MYH10: variants seen among roughly 807,000 people sequenced by gnomAD.
MYH10 encodes the protein myosin-10.
Under a neutral mutation model 257.8 loss-of-function variants are expected in MYH10, and 55 were observed. The observed-to-expected ratio is 0.21, with a 90% confidence interval of 0.17 to 0.27. MYH10 has a LOEUF of 0.27. Among genes scored for constraint, MYH10 ranks in the 10% least tolerant of loss-of-function variants. The pLI is 1.00. For synonymous variants in MYH10, 854 were observed against 921.7 expected (o/e 0.93, Z 1.33); for missense variants, 1,631 against 2,500.6 (o/e 0.65, Z 7.42).
intron 30 of MYH10, among the ~76,000 whole-genome samples, chr17:8,495,835 G>A (rs990512556): frequency 3.3e-5 from 5 of 151,730 alleles, no homozygotes; most frequent in African/African-American, 1.2e-4. Flanking sequence ...TCAGCCTCCC[G>A]AGTGGCTGGG....
At chr17:8,556,868 C>G (rs1215178917) in intron 7 of MYH10, among the ~76,000 whole-genome samples, 5 of 152,052 alleles carry the variant, frequency 3.3e-5, no homozygotes, top group African/African-American at 1.2e-4. Context: ...TGAGCATGGC[C>G]CCTGTGCTAG....
At chr17:8,530,433 T>C (rs1343654281) in intron 17 of MYH10, among the ~76,000 whole-genome samples, 190 bp downstream of exon 17, 2 of 152,128 alleles carry the variant, frequency 1.3e-5, no homozygotes, top group African/African-American at 2.4e-5. Flanking sequence ...CCTTGAAGTA[T>C]AATAAAACTG....
intron 17 of MYH10, 126 bp from the exon 18 acceptor site, chr17:8,521,411 T>A: frequency 1.0e-6 from 1 of 979,438 alleles, no homozygotes; most frequent in Non-Finnish European, 1.5e-6. Flanking sequence ...GCCATATAGG[T>A]AAGGCAGTCA....
Position 8,490,412 on chromosome 17 carries a change from C to T in MYH10, c.4812G>A (p.Lys1604=). The T allele has an allele frequency of 2.5e-6, 4 of 1,614,178 alleles. No individual in the cohort carries two copies. Among genetic ancestry groups the T allele is most frequent in the Non-Finnish European group, 2.5e-6 (3 of 1,180,036 alleles). The change falls in exon 35 of 43, where the codon AAG becomes AAA. Residue 1604 remains lysine (K), a synonymous_variant. Coordinates refer to ENST00000360416, the MANE Select transcript of MYH10 (RefSeq NM_001256012.3). This position sits in a 1 kb window ranked among gnomAD's most constrained non-coding sequence, Gnocchi z 4.1. ...LRLEVNMQAM[K]AQFERDLQTR... ...TTTGCAGGTCTCTCTCGAACTGCGCCTTCATGGCCTGCATGTTGACCTCCA... is the reference window on the plus strand; with the variant it reads ...TTTGCAGGTCTCTCTCGAACTGCGCTTTCATGGCCTGCATGTTGACCTCCA...
In MYH10 at chr17:8,518,049, T is replaced by TGTGTGTGTGTGA. The variant is rs1358007659; in HGVS notation, c.2504+581_2504+582insTCACACACACAC. ...CCGTGTGTGTGTGTGTGTGTGTGTGTGAGAAGCATTCTCTGAGGACTTGAG... is the reference window on the plus strand; with the variant it reads ...CCGTGTGTGTGTGTGTGTGTGTGTGTGTGTGTGTGTGAGAGAAGCATTCTCTGAGGACTTGAG... On this transcript the variant is annotated intron_variant, in intron 21 of 42. Transcript: ENST00000360416. Among the ~76,000 whole-genome samples the TGTGTGTGTGTGA allele has an allele frequency of 1.5e-3, 189 of 126,046 alleles. 4 individuals carry two copies. The East Asian group carries it at 0.02, about 13-fold the overall frequency. The allele number at this position is 126,046 out of a possible 152,430, so 82.7% of individuals were successfully genotyped here.
Position 8,548,426 on chromosome 17 carries a change from G to GA in MYH10, c.1064-19dup. ...AAGCATTGCTTCATATTGATAAAAA[G>GA]AAAAAAAAAATTAATATTGCCTCAA... On this transcript the variant is annotated intron_variant, in intron 10 of 42. Coordinates refer to ENST00000360416, the MANE Select transcript of MYH10 (RefSeq NM_001256012.3). 5 of 1,372,456 alleles carry GA rather than the reference G, an allele frequency of 3.6e-6. No individual in the cohort carries two copies. The African/African-American group carries it at 5.8e-5, about 16-fold the overall frequency. The allele number at this position is 1,372,456 out of a possible 1,614,324, so 85.0% of individuals were successfully genotyped here.
intron 2 of MYH10, 102 bp downstream of exon 2, chr17:8,622,800 A>G (rs911270437): frequency 7.7e-6 from 10 of 1,299,410 alleles, no homozygotes; most frequent in Middle Eastern, 2.4e-4. Flanking sequence ...TGTTAAACAG[A>G]GAGTTTGGGT....
At position 8,612,594 on chromosome 17, in the gene MYH10, T is replaced by C. The variant is rs188319679; in HGVS notation, c.346-7612A>G. ...GGCCAGGTGCGGTGGCTCACACCTG[T>C]AATCGCAGCACTTTGGGAGGCCAAG... On this transcript the variant is annotated intron_variant, in intron 2 of 42. Coordinates refer to ENST00000360416, the MANE Select transcript of MYH10 (RefSeq NM_001256012.3). Among the ~76,000 whole-genome samples, 382 of 152,278 alleles carry C rather than the reference T, an allele frequency of 2.5e-3. 4 individuals are homozygous for C. Among genetic ancestry groups the C allele is most frequent in the African/African-American group, 8.7e-3 (363 of 41,558 alleles).
intron 14 of MYH10, among the ~76,000 whole-genome samples, chr17:8,540,288 C>A (rs1352796996): frequency 2.0e-5 from 3 of 152,168 alleles, no homozygotes; most frequent in Non-Finnish European, 4.4e-5. Context: ...AGCCACAGCA[C>A]CTGGCCTTCT....
intron 4 of MYH10, 131 bp downstream of exon 4, chr17:8,588,950 A>T: frequency 1.2e-6 from 1 of 858,222 alleles, no homozygotes; most frequent in Non-Finnish European, 1.9e-6. Flanking sequence ...TCTTAGTCTT[A>T]AAATAACTGC....
In MYH10 at chr17:8,477,789, C is replaced by A. The variant is rs982028219; in HGVS notation, c.5706+549G>T. Reference sequence around the variant, plus strand: ...GTCTCACCAGGCAGAGGGCAGGGAGCGGGAGGGAGGGTATAGCTGCCCACG... The same window carrying A: ...GTCTCACCAGGCAGAGGGCAGGGAGAGGGAGGGAGGGTATAGCTGCCCACG... On this transcript the variant is annotated intron_variant, in intron 41 of 42. Transcript: ENST00000360416. This position sits in a 1 kb window ranked among gnomAD's most constrained non-coding sequence, Gnocchi z 4.2. Among the ~76,000 whole-genome samples the A allele has an allele frequency of 3.3e-5, 5 of 152,102 alleles. No individual in the cohort carries two copies. Among genetic ancestry groups the A allele is most frequent in the African/African-American group, 1.2e-4 (5 of 41,428 alleles).
At position 8,492,870 on chromosome 17, in the gene MYH10, C is replaced by T. The variant is rs768782605; in HGVS notation, c.4364G>A (p.Arg1455His). 1.2e-5 allele frequency: 19 copies of T among 1,613,946 alleles called. No homozygotes were observed. The highest frequency in any genetic ancestry group is 1.4e-5 in the Non-Finnish European group (17 of 1,180,014). ...GAGGTCGTCCAGCTCCTGCTGCAGG[C>T]GGTTCTTGGTCTTCTCCAGTTTGTC... ...AYDKLEKTKN[R>H]LQQELDDLTV... The change falls in exon 33 of 43, where the codon CGC becomes CAC. Residue 1455 changes from arginine to histidine, a missense_variant. Arg to His is a conservative substitution (Grantham distance 29). Transcript: ENST00000360416.
chr17:8,527,629 C>G (rs1386584176), intron 17 of MYH10, among the ~76,000 whole-genome samples: 1 of 152,222 alleles, frequency 6.6e-6, no homozygotes, highest in African/African-American at 2.4e-5. Flanking sequence ...GTAATTACAG[C>G]AGCAGCTGCT....
chr17:8,532,033 A>T (rs1199057148), intron 16 of MYH10, among the ~76,000 whole-genome samples: 1 of 152,014 alleles, frequency 6.6e-6, no homozygotes, highest in African/African-American at 2.4e-5. Context: ...CCTGCTCCTC[A>T]CCCTGAAGAA....
Position 8,475,936 on chromosome 17 carries a change from G to A in MYH10, c.5892C>T (p.Pro1964=), listed in dbSNP as rs772853457. The A allele has an allele frequency of 1.1e-5, 17 of 1,613,462 alleles. No homozygotes were observed. In the Admixed American group the frequency reaches 1.7e-4, roughly 16 times the overall value. ...TLKNRLRRGG[P]ISFSSSRSGR... is the part of the protein sequence containing the mutation. Reference sequence around the variant, plus strand: ...CAGATCGGCTGGAAGAGAAGCTGATGGGGCCACCCCGCCTGGAGAACACAG... The same window carrying A: ...CAGATCGGCTGGAAGAGAAGCTGATAGGGCCACCCCGCCTGGAGAACACAG... The change falls in exon 43 of 43, where the codon CCC becomes CCT. Residue 1964 remains proline, a synonymous_variant. Transcript: ENST00000360416.
intron 17 of MYH10, 57 bp downstream of exon 17, chr17:8,530,566 T>C: frequency 7.7e-7 from 1 of 1,300,754 alleles, no homozygotes; most frequent in Non-Finnish European, 1.0e-6. Context: ...CCACACGTTT[T>C]TCCTGTGGGC....
chr17:8,584,257 GA>G (rs1401859487), intron 4 of MYH10, among the ~76,000 whole-genome samples: 33 of 152,350 alleles, frequency 2.2e-4, no homozygotes, highest in Non-Finnish European at 4.6e-4. Flanking sequence ...GATAAGGCCA[GA>G]GTGTAAATTA....
At chr17:8,485,993 A>G (rs543860257) in intron 36 of MYH10, among the ~76,000 whole-genome samples, 58 of 152,354 alleles carry the variant, frequency 3.8e-4, no homozygotes, top group African/African-American at 1.4e-3. Context: ...TTACTCAGTA[A>G]TAAAAAGGAG....
chr17:8,568,109 G>A (rs1489145622), intron 7 of MYH10, among the ~76,000 whole-genome samples: 1 of 152,028 alleles, frequency 6.6e-6, no homozygotes, highest in Non-Finnish European at 1.5e-5. Context: ...CATCATCTTC[G>A]TTTGCTGGCT....
Sources: gnomAD v4.1 joint callset for allele counts (sites outside exome capture counted in the v4.1 genomes callset) on GRCh38, gnomAD v4.1.1 for gene constraint, Gnocchi (gnomAD v3.1) non-coding constraint, MANE v1.5 for transcripts, NCBI Gene and HGNC (gene_info 2026-07-23, HGNC 2026-07-21) for gene names.